HERC3: variants seen among roughly 807,000 people sequenced by gnomAD.
HERC3 encodes probable E3 ubiquitin-protein ligase HERC3.
In HERC3, 58 loss-of-function variants were observed where a neutral mutation model predicts 129.9. The ratio of observed to expected loss-of-function variants is 0.45; its 90% CI spans 0.36 to 0.56. The LOEUF (loss-of-function observed/expected upper bound fraction) is 0.56. HERC3 is among the 20% of genes least tolerant of loss of function. The pLI, the probability that HERC3 is intolerant of heterozygous loss-of-function variation, is 0.00. For synonymous variants in HERC3, 430 were observed against 451.0 expected (o/e 0.95, Z 0.59); for missense variants, 835 against 1,244.2 (o/e 0.67, Z 4.95).
chr4:88,545,499 C>T, the HERC3 span, among the ~76,000 whole-genome samples: 3 of 143,876 alleles, frequency 2.1e-5, no homozygotes. Context: ...GTGGCGCAGT[C>T]ATGGCTTATT....
intron 23 of HERC3, 87 bp downstream of exon 23, chr4:88,687,386 T>A: frequency 1.4e-6 from 1 of 735,670 alleles, no homozygotes; most frequent in Admixed American, 2.8e-5. Context: ...AATTACTTTT[T>A]AATATTAATA....
intron 23 of HERC3, among the ~76,000 whole-genome samples, chr4:88,702,091 G>T (rs1735371485): frequency 6.6e-6 from 1 of 152,114 alleles, no homozygotes; most frequent in African/African-American, 2.4e-5. Context: ...ACTGCACCTG[G>T]CTAGACAAAG....
chr4:88,620,575 C>A (rs1725406382), intron 3 of HERC3, among the ~76,000 whole-genome samples: 1 of 152,170 alleles, frequency 6.6e-6, no homozygotes, highest in Non-Finnish European at 1.5e-5. Context: ...CTTCCTGCCT[C>A]TCTGGTCCAA....
chr4:88,527,431 A>C, the HERC3 span: 1 of 158,736 alleles, frequency 6.3e-6, no homozygotes, highest in Non-Finnish European at 1.4e-5. Flanking sequence ...CTAATTTCTA[A>C]AATTTTTTTT....
chr4:88,616,118 G>A (rs17014285), intron 3 of HERC3, among the ~76,000 whole-genome samples: 14,717 of 152,194 alleles, frequency 0.097, 1,089 homozygotes, highest in South Asian at 0.23. Flanking sequence ...GTTGTTAAGG[G>A]AGAGTTTATA....
chr4:88,569,317 C>T, the HERC3 span, among the ~76,000 whole-genome samples: 1 of 152,236 alleles, frequency 6.6e-6, no homozygotes, highest in Non-Finnish European at 1.5e-5. Context: ...TCACCGTCCA[C>T]ACTATGAAGC....
the HERC3 span, among the ~76,000 whole-genome samples, chr4:88,535,251 G>A: frequency 2.0e-5 from 3 of 152,144 alleles, no homozygotes; most frequent in African/African-American, 7.2e-5. Context: ...CACCTGGCCT[G>A]CCAGCACCTA....
chr4:88,678,169 C>T (rs762436412), intron 19 of HERC3, 35 bp downstream of exon 19: 34 of 1,588,456 alleles, frequency 2.1e-5, no homozygotes, highest in Admixed American at 1.3e-4. Flanking sequence ...TAAATACCTT[C>T]GCAATTTTTC....
chr4:88,562,524 T>G, the HERC3 span, among the ~76,000 whole-genome samples: 1 of 152,264 alleles, frequency 6.6e-6, no homozygotes, highest in East Asian at 1.9e-4. Flanking sequence ...ATGTGTCCAT[T>G]TTTTGCTTTA....
chr4:88,620,948 C>T (rs558848023), intron 3 of HERC3, among the ~76,000 whole-genome samples: 1 of 152,310 alleles, frequency 6.6e-6, no homozygotes, highest in South Asian at 2.1e-4. Flanking sequence ...CTGTATCCCC[C>T]TTCCTTGCTT....
Position 88,598,363 on chromosome 4 carries a change from T to C in HERC3, c.-30+2749T>C, listed in dbSNP as rs576122061. On this transcript the variant is annotated intron_variant, in intron 2 of 25. Coordinates refer to ENST00000402738, the MANE Select transcript of HERC3 (RefSeq NM_014606.3). ...GCCCTCTCCAGAATTTAAAAGCAAA[T>C]GCACACAAAAAAACTTCCTCCTATC... 2.0e-5 allele frequency among the ~76,000 whole-genome samples: 3 copies of C among 152,320 alleles called. No individual in the cohort carries two copies. In the South Asian group the frequency reaches 6.2e-4, roughly 32 times the overall value.
At chr4:88,706,064 A>T (rs1258170546) in intron 25 of HERC3, among the ~76,000 whole-genome samples, 1 of 152,250 alleles carries the variant, frequency 6.6e-6, no homozygotes, top group East Asian at 1.9e-4. Context: ...CTTTCTGTTC[A>T]TTAGACTTAC....
At chr4:88,687,358 A>T (rs925695495) in intron 23 of HERC3, 59 bp downstream of exon 23, 88 of 1,130,386 alleles carry the variant, frequency 7.8e-5, no homozygotes, top group Non-Finnish European at 1.0e-4. Flanking sequence ...GCAGTTTTAC[A>T]TTTAAGACCA....
intron 3 of HERC3, among the ~76,000 whole-genome samples, chr4:88,641,768 C>T (rs530608317): frequency 8.5e-5 from 13 of 152,178 alleles, no homozygotes; most frequent in African/African-American, 3.1e-4. Flanking sequence ...AATAGATAAT[C>T]TAAATAGGTT....
the HERC3 span, among the ~76,000 whole-genome samples, chr4:88,570,751 T>C: frequency 2.2e-5 from 3 of 133,510 alleles, no homozygotes; most frequent in Non-Finnish European, 5.0e-5. Flanking sequence ...ATTATTCCTA[T>C]TTTATTTTAT....
At chr4:88,597,609 C>T (rs1387475549) in intron 2 of HERC3, among the ~76,000 whole-genome samples, 1 of 152,150 alleles carries the variant, frequency 6.6e-6, no homozygotes, top group African/African-American at 2.4e-5. Flanking sequence ...TATTGTTAGA[C>T]TTTTCAATTC....
intron 9 of HERC3, chr4:88,657,072 T>C (rs911727272): frequency 3.3e-5 from 5 of 152,248 alleles, no homozygotes; most frequent in African/African-American, 1.2e-4. Context: ...TCATTAATAT[T>C]GAATGACTGC....
intron 16 of HERC3, among the ~76,000 whole-genome samples, chr4:88,675,968 G>A (rs1732120861): frequency 6.6e-6 from 1 of 152,166 alleles, no homozygotes; most frequent in African/African-American, 2.4e-5. Flanking sequence ...GCTGTGAATT[G>A]TGGAGAGTTA....
At chr4:88,589,191 G>C (rs183951893), upstream of HERC3, among the ~76,000 whole-genome samples, 1 of 152,194 alleles carries the variant, frequency 6.6e-6, no homozygotes, top group African/African-American at 2.4e-5. Context: ...CTATGCTCAA[G>C]CTATTCTCTC....
Sources: allele counts gnomAD v4.1 joint callset (sites outside exome capture counted in the v4.1 genomes callset), GRCh38; gene constraint gnomAD v4.1.1; transcripts MANE v1.5; gene names NCBI Gene and HGNC (gene_info 2026-07-23, HGNC 2026-07-21).